RRH: variants seen among roughly 807,000 people sequenced by gnomAD.
RRH encodes the protein visual pigment-like receptor peropsin.
RRH carries 36 observed loss-of-function variants against 33.1 expected under a neutral mutation model. That is an observed-to-expected ratio of 1.09 (90% CI 0.83 to 1.44). RRH has a LOEUF of 1.44. RRH is among the 40% of genes most tolerant of loss of function. The pLI is 0.00. For missense variants in RRH, 393 were observed against 420.2 expected (o/e 0.94, Z 0.57); for synonymous variants, 124 against 140.2 (o/e 0.88, Z 0.82).
chr4:109,830,455 A>T (rs1459515903), intron 1 of RRH, among the ~76,000 whole-genome samples: 1 of 152,142 alleles, frequency 6.6e-6, no homozygotes. Context: ...AAGTAGATAC[A>T]TTCAAGAGCC....
intron 4 of RRH, among the ~76,000 whole-genome samples, chr4:109,836,416 G>A (rs1733885781): frequency 6.6e-6 from 1 of 152,150 alleles, no homozygotes; most frequent in Non-Finnish European, 1.5e-5. Context: ...CTCTCTTAAG[G>A]CAGCAATGCA....
chr4:109,829,201 A>G (rs1733698086), intron 1 of RRH, among the ~76,000 whole-genome samples: 1 of 151,974 alleles, frequency 6.6e-6, no homozygotes, highest in South Asian at 2.1e-4. Context: ...CTTCCTTATA[A>G]TTCAGCGTAT....
intron 1 of RRH, among the ~76,000 whole-genome samples, chr4:109,828,611 G>T (rs1733686172): frequency 6.6e-6 from 1 of 151,842 alleles, no homozygotes; most frequent in Non-Finnish European, 1.5e-5. Context: ...AGAACTTAAA[G>T]GTTCTGGAAA....
At chr4:109,839,519 G>A (rs2125894011) in intron 5 of RRH, among the ~76,000 whole-genome samples, 1 of 152,154 alleles carries the variant, frequency 6.6e-6, no homozygotes, top group South Asian at 2.1e-4. Flanking sequence ...TTGTTACATA[G>A]GTAAACGTGT....
intron 1 of RRH, among the ~76,000 whole-genome samples, chr4:109,828,649 G>A (rs993647593): frequency 6.6e-6 from 1 of 151,942 alleles, no homozygotes; most frequent in African/African-American, 2.4e-5. Context: ...ACAGAGCAGG[G>A]TATATTGTCA....
At position 109,837,251 on chromosome 4, in the gene RRH, T is replaced by C. The variant is rs192763080; in HGVS notation, c.552-186T>C. On this transcript the variant is annotated intron_variant, in intron 4 of 6. Transcript: ENST00000317735. ...TTATTTACAAAGATGAGTGATAGGC[T>C]GAAATAGGCCTACAGTCCATAGTTT... Among the ~76,000 whole-genome samples, 429 of 152,310 alleles carry C rather than the reference T, an allele frequency of 2.8e-3. 1 individual carries two copies. Among genetic ancestry groups the C allele is most frequent in the African/African-American group, 9.7e-3 (403 of 41,564 alleles).
intron 1 of RRH, 82 bp from the exon 2 acceptor site, chr4:109,833,057 G>A (rs1733791819): frequency 2.7e-6 from 3 of 1,130,202 alleles, no homozygotes; most frequent in Non-Finnish European, 4.0e-6. Flanking sequence ...TGTTTTTAAA[G>A]GGGCTTAAAT....
At chr4:109,842,725 T>A in intron 6 of RRH, 78 bp downstream of exon 6, 1 of 1,312,148 alleles carries the variant, frequency 7.6e-7, no homozygotes, top group Non-Finnish European at 1.1e-6. Flanking sequence ...GGGAGAGAAG[T>A]GACAGAAACC....
rs748851197 is a variant in RRH, at chr4:109,842,605, C to G, written c.857C>G (p.Ser286Cys). 5.1e-5 allele frequency: 83 copies of G among 1,613,928 alleles called. No individual in the cohort carries two copies. In the South Asian group the frequency reaches 8.3e-4, roughly 16 times the overall value. Residue 286 changes from serine to cysteine, a missense_variant, in exon 6 of 7, where the codon TCT becomes TGT. Coordinates refer to ENST00000317735, the MANE Select transcript of RRH (RefSeq NM_006583.5). ...AIIAPLFAKS[S>C]TFYNPCIYVV... ...ATAGCTCCACTGTTTGCAAAATCTT[C>G]TACATTCTATAACCCCTGCATTTAT... is the stretch of plus-strand genomic sequence containing the variant.
At chr4:109,828,704 T>C (rs1269733110) in intron 1 of RRH, among the ~76,000 whole-genome samples, 1 of 152,102 alleles carries the variant, frequency 6.6e-6, no homozygotes, top group East Asian at 1.9e-4. Context: ...GAATGCTTAT[T>C]GGAAAACTCT....
intron 5 of RRH, among the ~76,000 whole-genome samples, chr4:109,840,226 C>CTT (rs149725191): frequency 6.8e-6 from 1 of 146,082 alleles, no homozygotes; most frequent in South Asian, 2.2e-4. Context: ...CAGTGATGAG[C>CTT]TTTTTTTTTT....
Position 109,842,483 on chromosome 4 carries a change from G to A in RRH, c.735G>A (p.Met245Ile), listed in dbSNP as rs756186269. 9 of 1,613,880 alleles carry A rather than the reference G, an allele frequency of 5.6e-6. No individual in the cohort carries two copies. Among genetic ancestry groups the A allele is most frequent in the Non-Finnish European group, 7.6e-6 (9 of 1,179,950 alleles). ...QIDVTKMSVI[M>I]ICMFLVAWSP... is the part of the protein sequence containing the mutation. ...TTTCTTTTCAGATGTCTGTGATCAT[G>A]ATCTGCATGTTTCTGGTGGCATGGT... The change falls in exon 6 of 7, where the codon ATG (methionine) becomes ATA (isoleucine). Residue 245 changes from methionine to isoleucine, a missense_variant. Coordinates refer to ENST00000317735, the MANE Select transcript of RRH (RefSeq NM_006583.5).
chr4:109,834,252 G>A (rs772056899), intron 2 of RRH, among the ~76,000 whole-genome samples: 11 of 150,684 alleles, frequency 7.3e-5, no homozygotes, highest in Non-Finnish European at 1.3e-4. Flanking sequence ...ATTCCATTTT[G>A]TGAACGTAGA....
Position 109,844,247 on chromosome 4 carries a change from C to A in RRH, c.*50C>A. The stretch of plus-strand genomic sequence containing the variant: ...AAAACACTTTAGTTTTTTGACAATG[C>A]TTTTCTTTTAAATATGAGCCCATTT... On this transcript the variant is annotated 3_prime_UTR_variant, in exon 7 of 7. Transcript: ENST00000317735. 1 of 1,191,636 alleles carries A rather than the reference C, an allele frequency of 8.4e-7. No homozygotes were observed. The allele number at this position is 1,191,636 out of a possible 1,614,324, so 73.8% of individuals were successfully genotyped here.
At position 109,835,391 on chromosome 4, in the gene RRH, T is replaced by C. The variant is rs991804449; in HGVS notation, c.323T>C (p.Phe108Ser). Residue 108 changes from phenylalanine to serine, a missense_variant, in exon 3 of 7, where the codon TTT becomes TCT. Physicochemically the swap from Phe to Ser is radical, Grantham distance 155 (BLOSUM62 -2). Transcript: ENST00000317735. Reference sequence around the variant, plus strand: ...GTTTATGCTGGATTGAATATTTTTTTTGGAATGGCAAGCATTGGATTACTC... The same window carrying C: ...GTTTATGCTGGATTGAATATTTTTTCTGGAATGGCAAGCATTGGATTACTC... Reference protein sequence around the residue: ...CQVYAGLNIFFGMASIGLLTV... With the variant: ...CQVYAGLNIFSGMASIGLLTV... The C allele has an allele frequency of 6.8e-6, 11 of 1,614,004 alleles. No homozygotes were observed. Among genetic ancestry groups the C allele is most frequent in the Non-Finnish European group, 9.3e-6 (11 of 1,179,976 alleles).
At chr4:109,835,867 T>G (rs974555040) in intron 3 of RRH, 140 bp from the exon 4 acceptor site, 16 of 884,718 alleles carry the variant, frequency 1.8e-5, no homozygotes, top group Non-Finnish European at 2.9e-5. Context: ...TATTAGGTGT[T>G]GCACTCATGT....
Position 109,844,916 on chromosome 4 carries a change from C to G in RRH, c.*719C>G, listed in dbSNP as rs1734052366. 6.6e-6 allele frequency among the ~76,000 whole-genome samples: 1 copy of G among 152,094 alleles called. No homozygotes were observed. Among genetic ancestry groups the G allele is most frequent in the South Asian group, 2.1e-4 (1 of 4,828 alleles). ...AATTCTGTCTGGCATGTAGTAGGCA[C>G]TCAATAAATATTTTTTCAATGTCAA... On this transcript the variant is annotated 3_prime_UTR_variant, in exon 7 of 7. Transcript: ENST00000317735.
Position 109,844,286 on chromosome 4 carries a change from A to G in RRH, c.*89A>G. 3.6e-6 allele frequency: 3 copies of G among 822,990 alleles called. No individual in the cohort carries two copies. The highest frequency in any genetic ancestry group is 6.2e-6 in the Non-Finnish European group (3 of 480,628). 51.0% of individuals were successfully genotyped at this position (822,990 alleles called of 1,614,324 possible). A position where few individuals can be genotyped will look rare whatever the true frequency, so the allele number is the denominator to read the frequency against. On this transcript the variant is annotated 3_prime_UTR_variant, in exon 7 of 7. Transcript: ENST00000317735. ...ATGAGCCCATTTAGATCAAGTGCAG[A>G]CATGGATCATTGTCCTATGAGAGTG... is the stretch of plus-strand genomic sequence containing the variant.
At chr4:109,838,807 A>G (rs1278182078) in intron 5 of RRH, among the ~76,000 whole-genome samples, 1 of 152,134 alleles carries the variant, frequency 6.6e-6, no homozygotes. Flanking sequence ...CTGGAAGCTT[A>G]TAGGATCTTC....
Sources: allele counts gnomAD v4.1 joint callset (sites outside exome capture counted in the v4.1 genomes callset), GRCh38; gene constraint gnomAD v4.1.1; transcripts MANE v1.5; gene names NCBI Gene and HGNC (gene_info 2026-07-23, HGNC 2026-07-21).